VMP1: variants seen among roughly 807,000 people sequenced by gnomAD.
VMP1 encodes the protein vacuole membrane protein 1.
VMP1 carries 11 observed loss-of-function variants against 56.0 expected under a neutral mutation model. The ratio of observed to expected loss-of-function variants is 0.20; its 90% CI spans 0.12 to 0.32. The LOEUF (loss-of-function observed/expected upper bound fraction) is 0.32, where lower values mean the gene tolerates loss of function less well. Among genes scored for constraint, VMP1 ranks in the 10% least tolerant of loss-of-function variants. VMP1 has a pLI of 1.00. For missense variants in VMP1, 296 were observed against 490.3 expected (o/e 0.60, Z 3.74); for synonymous variants, 149 against 165.0 (o/e 0.90, Z 0.74).
At chr17:59,801,623 G>A (rs148028934) in intron 7 of VMP1, among the ~76,000 whole-genome samples, 1 of 152,026 alleles carries the variant, frequency 6.6e-6, no homozygotes, top group Admixed American at 6.6e-5. Flanking sequence ...GGCCGGATGA[G>A]GTGGCTCATG....
intron 10 of VMP1, among the ~76,000 whole-genome samples, chr17:59,818,011 G>A (rs527346138): frequency 7.9e-5 from 12 of 152,046 alleles, no homozygotes; most frequent in African/African-American, 1.9e-4. Flanking sequence ...TATAATTCTG[G>A]GTTTAAAAGA....
At chr17:59,738,810 G>C in intron 4 of VMP1, 27 bp from the exon 5 acceptor site, 1 of 1,497,704 alleles carries the variant, frequency 6.7e-7, no homozygotes, top group Non-Finnish European at 9.3e-7. Context: ...GAGAATTCAC[G>C]GTTTTCACCT....
intron 7 of VMP1, among the ~76,000 whole-genome samples, chr17:59,783,630 T>G (rs1057332457): frequency 6.6e-6 from 1 of 152,210 alleles, no homozygotes; most frequent in Non-Finnish European, 1.5e-5. Flanking sequence ...GCTATCACCA[T>G]CCTAACAATC....
chr17:59,762,221 A>G (rs1189825308), intron 5 of VMP1, among the ~76,000 whole-genome samples: 3 of 152,162 alleles, frequency 2.0e-5, no homozygotes, highest in African/African-American at 7.2e-5. Context: ...TCCCTAACCC[A>G]TGCTCCCACA....
intron 7 of VMP1, among the ~76,000 whole-genome samples, chr17:59,785,197 G>A (rs965791995): frequency 2.0e-5 from 3 of 152,144 alleles, no homozygotes; most frequent in African/African-American, 7.2e-5. Flanking sequence ...TTACTTACAA[G>A]AATATGTTTT....
At position 59,832,312 on chromosome 17, in the gene VMP1, G is replaced by A. The variant is rs189595192; in HGVS notation, c.975-5983G>A. ...CGAGTAGCTGGGACTACAGGCACGT[G>A]CCATCACACCTGGCTAATTTTTTTA... On this transcript the variant is annotated intron_variant, in intron 10 of 11. Coordinates refer to ENST00000262291, the MANE Select transcript of VMP1 (RefSeq NM_030938.5). Among the ~76,000 whole-genome samples the A allele has an allele frequency of 9.6e-3, 1,383 of 144,476 alleles. 9 individuals are homozygous for A. Among genetic ancestry groups the A allele is most frequent in the Non-Finnish European group, 0.017 (1,106 of 66,164 alleles). The allele number at this position is 144,476 out of a possible 152,430, so 94.8% of individuals were successfully genotyped here.
chr17:59,769,427 G>A (rs1018528209), intron 6 of VMP1, among the ~76,000 whole-genome samples: 13 of 151,998 alleles, frequency 8.6e-5, no homozygotes, highest in African/African-American at 3.1e-4. Context: ...TAATATAAAA[G>A]CACCTTGCTG....
Position 59,740,055 on chromosome 17 carries a change from C to T in VMP1, c.414+1108C>T, listed in dbSNP as rs558639317. Among the ~76,000 whole-genome samples the T allele has an allele frequency of 4.8e-5, 7 of 144,880 alleles. No individual in the cohort carries two copies. In the East Asian group the frequency reaches 8.0e-4, roughly 17 times the overall value. ...TCACGCCACTGCACTCCAACCTGGG[C>T]GACAGAGCAAGACTCCGTCTCAAAA... On this transcript the variant is annotated intron_variant, in intron 5 of 11. Coordinates refer to ENST00000262291, the MANE Select transcript of VMP1 (RefSeq NM_030938.5).
chr17:59,774,000 AAAG>A (rs1479510717), intron 7 of VMP1, 115 bp downstream of exon 7: 75 of 1,078,812 alleles, frequency 7.0e-5, no homozygotes, highest in Non-Finnish European at 9.0e-5. Context: ...AAAAAAAAAA[AAAG>A]AAAGAAAAAT....
chr17:59,772,213 A>G (rs2036452434), intron 6 of VMP1, among the ~76,000 whole-genome samples: 1 of 149,906 alleles, frequency 6.7e-6, no homozygotes, highest in African/African-American at 2.5e-5. Flanking sequence ...CTGGTCTCAA[A>G]CTCCTGAGCT....
intron 5 of VMP1, among the ~76,000 whole-genome samples, chr17:59,761,652 C>T (rs2036060037): frequency 1.3e-5 from 2 of 152,164 alleles, no homozygotes; most frequent in South Asian, 4.1e-4. Flanking sequence ...CAAATGTTTC[C>T]CAGGCCTGTG....
chr17:59,760,036 T>G (rs901944239), intron 5 of VMP1, among the ~76,000 whole-genome samples: 2 of 150,350 alleles, frequency 1.3e-5, no homozygotes, highest in Non-Finnish European at 3.0e-5. Flanking sequence ...TGAGGTAGAA[T>G]CTCATGAGCC....
chr17:59,733,481 T>G (rs1248688877), intron 2 of VMP1, among the ~76,000 whole-genome samples: 1 of 152,000 alleles, frequency 6.6e-6, no homozygotes, highest in Non-Finnish European at 1.5e-5. Context: ...GTGGATCACT[T>G]GAGGTCAGGA....
intron 10 of VMP1, among the ~76,000 whole-genome samples, chr17:59,818,067 T>C (rs2038308667): frequency 6.6e-6 from 1 of 152,142 alleles, no homozygotes; most frequent in Non-Finnish European, 1.5e-5. Flanking sequence ...AATAAGAAAT[T>C]GTCTTTATAT....
rs1598426924 is a variant in VMP1, at chr17:59,809,933, G to A, written c.795+1057G>A. ...GGCTTAAATCAGTAAGAATAAAAGA[G>A]ACAAAATCCATTCTTCCAATGAAGA... On this transcript the variant is annotated intron_variant, in intron 8 of 11. Transcript: ENST00000262291. Among the ~76,000 whole-genome samples, 5 of 152,116 alleles carry A rather than the reference G, an allele frequency of 3.3e-5. No homozygotes were observed. In the East Asian group the frequency reaches 7.7e-4, roughly 24 times the overall value.
chr17:59,827,809 C>G (rs978351845), intron 10 of VMP1, among the ~76,000 whole-genome samples: 1 of 151,954 alleles, frequency 6.6e-6, no homozygotes, highest in African/African-American at 2.4e-5. Flanking sequence ...AAATTAGCTA[C>G]TGTGGCCCCA....
At chr17:59,710,822 G>A (rs1010985521) in intron 1 of VMP1, among the ~76,000 whole-genome samples, 1 of 152,174 alleles carries the variant, frequency 6.6e-6, no homozygotes, top group Non-Finnish European at 1.5e-5. Context: ...TGTAATCCCA[G>A]CACTTTGGGA....
chr17:59,778,938 TC>T (rs1442761620), intron 7 of VMP1, among the ~76,000 whole-genome samples: 1 of 152,192 alleles, frequency 6.6e-6, no homozygotes, highest in Non-Finnish European at 1.5e-5. Context: ...GAGCCACAGC[TC>T]CCAGTCAGCC....
intron 8 of VMP1, among the ~76,000 whole-genome samples, chr17:59,809,529 C>T (rs1312166678): frequency 2.4e-5 from 2 of 82,106 alleles, no homozygotes; most frequent in African/African-American, 6.7e-5. Flanking sequence ...TTTTTTGAGA[C>T]GGAGTCTCGC....
Sources: allele counts gnomAD v4.1 joint callset (sites outside exome capture counted in the v4.1 genomes callset), GRCh38; gene constraint gnomAD v4.1.1; transcripts MANE v1.5; gene names NCBI Gene and HGNC (gene_info 2026-07-23, HGNC 2026-07-21).